Variants in ARID1A observed in about 807,000 individuals in gnomAD.
ARID1A encodes AT-rich interactive domain-containing protein 1A.
A neutral mutation model predicts 212.6 loss-of-function variants in ARID1A; 20 were observed. The observed-to-expected ratio is 0.09, with a 90% CI of 0.07 to 0.14. ARID1A has a LOEUF of 0.14. Among genes scored for constraint, ARID1A ranks in the 10% least tolerant of loss-of-function variants. The pLI, the probability that ARID1A is intolerant of heterozygous loss-of-function variation, is 1.00. For synonymous variants in ARID1A, 1,376 were observed against 1,222.1 expected (o/e 1.13, Z -2.63); for missense variants, 2,587 against 3,059.0 (o/e 0.85, Z 3.64).
intron 4 of ARID1A, among the ~76,000 whole-genome samples, chr1:26,736,814 A>G (rs2080736078): frequency 6.8e-6 from 1 of 147,674 alleles, no homozygotes; most frequent in Non-Finnish European, 1.5e-5. Flanking sequence ...AGGCAGGAGA[A>G]TTGCTTCAAT....
In ARID1A at chr1:26,714,095, A is replaced by G. The variant is rs570703357; in HGVS notation, c.1138-15556A>G. On this transcript the variant is annotated intron_variant, in intron 1 of 19. Transcript: ENST00000324856. Reference sequence around the variant, plus strand: ...GAGAGTTAAATGTTGGCTAGTTTAGAATGCCAAGTGTCCATCCCAACTTGG... The same window carrying G: ...GAGAGTTAAATGTTGGCTAGTTTAGGATGCCAAGTGTCCATCCCAACTTGG... Among the ~76,000 whole-genome samples, 11 of 152,354 alleles carry G rather than the reference A, an allele frequency of 7.2e-5. No individual in the cohort carries two copies. The South Asian group carries it at 2.3e-3, about 32-fold the overall frequency.
chr1:26,707,007 G>A (rs892066277), intron 1 of ARID1A, among the ~76,000 whole-genome samples: 1 of 151,210 alleles, frequency 6.6e-6, no homozygotes, highest in African/African-American at 2.4e-5. Flanking sequence ...CTGTTCTTGG[G>A]TCACAGATCC....
At position 26,731,322 on chromosome 1, in the gene ARID1A, A is replaced by G. The variant is rs1471040597; in HGVS notation, c.1521A>G (p.Gln507=). 6.2e-7 allele frequency: 1 copy of G among 1,613,408 alleles called. No homozygotes were observed. The highest frequency in any genetic ancestry group is 1.6e-4 in the Middle Eastern group (1 of 6,062). Residue 507 remains glutamine (Q), a synonymous_variant, in exon 3 of 20, where the codon CAA becomes CAG. Coordinates refer to ENST00000324856, the MANE Select transcript of ARID1A (RefSeq NM_006015.6). The part of the protein sequence containing the change: ...QPSYQQQPQS[Q]PPQLQSSQPP... The stretch of plus-strand genomic sequence containing the variant: ...CGTATCAGCAGCAGCCACAGTCTCA[A>G]CCACCACAGCTCCAGTCCTCTCAGC...
chr1:26,697,625 G>GAA, intron 1 of ARID1A, 85 bp downstream of exon 1: 1 of 1,207,132 alleles, frequency 8.3e-7, no homozygotes, highest in Non-Finnish European at 1.0e-6. Context: ...ACAGCCTTGG[G>GAA]CTCCCCTCAG....
intron 4 of ARID1A, among the ~76,000 whole-genome samples, chr1:26,748,782 T>C (rs946129062): frequency 3.3e-5 from 5 of 151,960 alleles, no homozygotes; most frequent in African/African-American, 1.2e-4. Flanking sequence ...ATGGGGACTG[T>C]GACAAACTGA....
In ARID1A at chr1:26,773,478, G is replaced by A. The variant is rs1461233133; in HGVS notation, c.3848G>A (p.Gly1283Asp). The A allele has an allele frequency of 6.2e-7, 1 of 1,613,032 alleles. No individual in the cohort carries two copies. The highest frequency in any genetic ancestry group is 1.3e-5 in the African/African-American group (1 of 74,900). ...MGPRQHYPYG[G>D]PYDRVRTEPG... Reference sequence around the variant, plus strand: ...CCACGACAGCACTATCCCTATGGAGGTCCTTATGACAGAGTGAGGTAAGCA... The same window carrying A: ...CCACGACAGCACTATCCCTATGGAGATCCTTATGACAGAGTGAGGTAAGCA... The change falls in exon 15 of 20, where the codon GGT becomes GAT. Residue 1283 changes from glycine to aspartate, a missense_variant. Around this residue, in one of 11 missense-constraint regions of ARID1A, gnomAD observed 890 missense variants for 1,098.2 expected, o/e 0.81. Transcript: ENST00000324856.
rs764728605 is a variant in ARID1A at position 26,779,784 on chromosome 1, G to A, written c.5886G>A (p.Lys1962=). The change falls in exon 20 of 20, where the codon AAG becomes AAA. Residue 1962 remains lysine (K), a synonymous_variant. Transcript: ENST00000324856. ...TCCTAGAGGACGAACCCCACAGTAA[G>A]GATGAGACCCCACTGTGTACCCTTC... The part of the protein sequence containing the change: ...IKILEDEPHS[K]DETPLCTLLD... The A allele has an allele frequency of 5.0e-6, 8 of 1,614,142 alleles. No individual in the cohort carries two copies. The Admixed American group carries it at 1.3e-4, about 27-fold the overall frequency.
intron 1 of ARID1A, among the ~76,000 whole-genome samples, chr1:26,704,052 T>C (rs2080363861): frequency 6.6e-6 from 1 of 152,214 alleles, no homozygotes; most frequent in East Asian, 1.9e-4. Context: ...ATTTGCCTTT[T>C]CATAATGCTA....
At chr1:26,712,087 G>GAAA (rs71581091) in intron 1 of ARID1A, among the ~76,000 whole-genome samples, 2 of 150,412 alleles carry the variant, frequency 1.3e-5, no homozygotes, top group Non-Finnish European at 1.5e-5. Flanking sequence ...TCTATATACA[G>GAAA]AAAAAAAAAT....
chr1:26,720,246 C>T (rs1413309096), intron 1 of ARID1A, among the ~76,000 whole-genome samples: 2 of 145,990 alleles, frequency 1.4e-5, no homozygotes, highest in Admixed American at 1.4e-4. Flanking sequence ...GAGGCTCTGT[C>T]TCGAAAAAAA....
At chr1:26,740,005 G>GA (rs957116387) in intron 4 of ARID1A, among the ~76,000 whole-genome samples, 37 of 139,508 alleles carry the variant, frequency 2.7e-4, no homozygotes, top group Admixed American at 1.0e-3. Flanking sequence ...AAAAAAAAAA[G>GA]AAAAAAAAAA....
At position 26,779,063 on chromosome 1, in the gene ARID1A, G is replaced by A. The variant is rs2081164358; in HGVS notation, c.5165G>A (p.Arg1722Gln). ...GAGCTCCTTGTAGAATATTTCCGAC[G>A]ATGCCTGATTGAGATCTTTGGCATT... ...LLELLVEYFR[R>Q]CLIEIFGILK... The change falls in exon 20 of 20, where the codon CGA (arginine) becomes CAA (glutamine). Residue 1722 changes from arginine (R) to glutamine (Q), a missense_variant. Physicochemically the swap from Arg to Gln is conservative, Grantham distance 43 (BLOSUM62 1). Coordinates refer to ENST00000324856, the MANE Select transcript of ARID1A (RefSeq NM_006015.6). 6.6e-7 allele frequency: 1 copy of A among 1,510,306 alleles called. No homozygotes were observed. Among genetic ancestry groups the A allele is most frequent in the African/African-American group, 1.4e-5 (1 of 71,554 alleles). The allele number at this position is 1,510,306 out of a possible 1,614,324, so 93.6% of individuals were successfully genotyped here. A position where few individuals can be genotyped will look rare whatever the true frequency, so the allele number is the denominator to read the frequency against.
intron 1 of ARID1A, among the ~76,000 whole-genome samples, chr1:26,706,287 G>A (rs2080391538): frequency 6.6e-6 from 1 of 152,138 alleles, no homozygotes; most frequent in Non-Finnish European, 1.5e-5. Context: ...CTCATCACTA[G>A]CAGCCAAGAT....
In ARID1A at chr1:26,775,669, T is replaced by G; in HGVS notation, c.5086T>G (p.Tyr1696Asp). The G allele has an allele frequency of 6.2e-7, 1 of 1,614,228 alleles. No homozygotes were observed. The highest frequency in any genetic ancestry group is 8.5e-7 in the Non-Finnish European group (1 of 1,180,032). ...ATTAGATACCATCAACATCCTGCTG[T>G]ATGATGACAACAGCATCATGACCTT... ...WALDTINILL[Y>D]DDNSIMTFNL... Residue 1696 changes from tyrosine to aspartate, a missense_variant, in exon 19 of 20, where the codon TAT (tyrosine) becomes GAT (aspartate). Physicochemically the swap from Tyr to Asp is radical, Grantham distance 160. Coordinates refer to ENST00000324856, the MANE Select transcript of ARID1A (RefSeq NM_006015.6).
In ARID1A at chr1:26,697,073, C is replaced by G. The variant is rs1057520224; in HGVS notation, c.670C>G (p.Pro224Ala). Residue 224 changes from proline (P) to alanine (A), a missense_variant, in exon 1 of 20, where the codon CCG becomes GCG. By Grantham distance (27) the Pro-to-Ala change is conservative. Transcript: ENST00000324856. ...CTACCCCAACCGCAGCGCCTACCCC[C>G]CGCCCGCCCCGGCCTACGCGCTGAG... is the stretch of plus-strand genomic sequence containing the variant. ...SYYPNRSAYP[P>A]PAPAYALSSP... 3.3e-6 allele frequency: 5 copies of G among 1,502,534 alleles called. No homozygotes were observed. Among genetic ancestry groups the G allele is most frequent in the Non-Finnish European group, 4.4e-6 (5 of 1,130,574 alleles). The allele number at this position is 1,502,534 out of a possible 1,614,324, so 93.1% of individuals were successfully genotyped here.
Position 26,762,195 on chromosome 1 carries a change from C to T in ARID1A, c.2295C>T (p.Pro765=), listed in dbSNP as rs773634878. 8 of 1,614,160 alleles carry T rather than the reference C, an allele frequency of 5.0e-6. No homozygotes were observed. The South Asian group carries it at 8.8e-5, about 18-fold the overall frequency. The part of the protein sequence containing the change: ...RNPQMPQYSS[P]QPGSALSPRQ... ...CCCAGATGCCCCAGTACAGTTCCCC[C>T]CAGCCCGGCTCAGCCTTATCTCCGC... Residue 765 remains proline (P), a synonymous_variant, in exon 7 of 20, where the codon CCC becomes CCT. Transcript: ENST00000324856.
intron 8 of ARID1A, chr1:26,764,865 C>T (rs964595387): frequency 1.3e-5 from 2 of 152,160 alleles, no homozygotes; most frequent in African/African-American, 4.8e-5. Context: ...TTAAAGGACA[C>T]AGCAGGGCTC....
At chr1:26,719,040 A>T (rs530748401) in intron 1 of ARID1A, among the ~76,000 whole-genome samples, 3 of 152,088 alleles carry the variant, frequency 2.0e-5, no homozygotes, top group Non-Finnish European at 2.9e-5. Context: ...AATGGGGGGT[A>T]CTCCTGTAGA....
At position 26,771,795 on chromosome 1, in the gene ARID1A, C is replaced by G. The variant is rs1176129458; in HGVS notation, c.3406+469C>G. 5.6e-6 allele frequency: 1 copy of G among 177,706 alleles called. No individual in the cohort carries two copies. The highest frequency in any genetic ancestry group is 1.2e-5 in the Non-Finnish European group (1 of 83,544). 11.0% of individuals were successfully genotyped at this position (177,706 alleles called of 1,614,324 possible). ...CCCTGATGGGAGTGGCTCTGCTCAC[C>G]CTCCTTTCTGAGAGGAGGCTGAGGC... is the stretch of plus-strand genomic sequence containing the variant. On this transcript the variant is annotated intron_variant, in intron 12 of 19. Coordinates refer to ENST00000324856, the MANE Select transcript of ARID1A (RefSeq NM_006015.6). This position sits in a 1 kb window ranked among gnomAD's most constrained non-coding sequence, Gnocchi z 5.4.
Sources: allele counts gnomAD v4.1 joint callset (sites outside exome capture counted in the v4.1 genomes callset), GRCh38; gene constraint gnomAD v4.1.1; regional missense constraint gnomAD v4.1.1; non-coding constraint Gnocchi (gnomAD v3.1); transcripts MANE v1.5; gene names NCBI Gene and HGNC (gene_info 2026-07-23, HGNC 2026-07-21).